The following RNF8 variants were observed in gnomAD, a reference collection of about 807,000 sequenced individuals.
RNF8 encodes E3 ubiquitin-protein ligase RNF8.
A neutral mutation model predicts 59.3 loss-of-function variants in RNF8; 8 were observed. That is an observed-to-expected ratio of 0.13 (90% CI 0.08 to 0.24). The LOEUF (loss-of-function observed/expected upper bound fraction) is 0.24, where lower values mean the gene tolerates loss of function less well. Among genes scored for constraint, RNF8 ranks in the 10% least tolerant of loss-of-function variants. The pLI, the probability that RNF8 is intolerant of heterozygous loss-of-function variation, is 1.00. For synonymous variants in RNF8, 162 were observed against 200.0 expected, an observed-to-expected ratio of 0.81 and a Z score of 1.60; for missense variants, 406 against 572.6, an observed-to-expected ratio of 0.71 and a Z score of 2.97.
chr6:37,381,477 T>C (rs1350577435), intron 7 of RNF8, 123 bp downstream of exon 7: 1 of 817,110 alleles, frequency 1.2e-6, no homozygotes, highest in Non-Finnish European at 1.9e-6. Flanking sequence ...AGAGATGGAA[T>C]AAATGGGGAG....
chr6:37,384,148 T>TTC (rs1179976525), intron 7 of RNF8, among the ~76,000 whole-genome samples: 1 of 151,456 alleles, frequency 6.6e-6, no homozygotes, highest in Non-Finnish European at 1.5e-5. Context: ...TTTTTTTTTT[T>TTC]TTGAGATGGT....
rs139799691 is a variant in RNF8 at position 37,391,634 on chromosome 6, C to T, written c.*876C>T. On this transcript the variant is annotated 3_prime_UTR_variant, in exon 8 of 8. Transcript: ENST00000373479. ...CATTAGAAGTTTTCTCTCTTTTCTC[C>T]ACCTCTCCTTTATTTTTAATTTTAA... 5.9e-5 allele frequency: 9 copies of T among 151,634 alleles called. No individual in the cohort carries two copies. The highest frequency in any genetic ancestry group is 2.2e-4 in the African/African-American group (9 of 41,348). 9.4% of individuals were successfully genotyped at this position (151,634 alleles called of 1,614,324 possible). A position where few individuals can be genotyped will look rare whatever the true frequency, so the allele number is the denominator to read the frequency against.
At chr6:37,359,790 G>A (rs1027619041) in intron 1 of RNF8, among the ~76,000 whole-genome samples, 9 of 152,192 alleles carry the variant, frequency 5.9e-5, no homozygotes, top group African/African-American at 1.4e-4. Flanking sequence ...TAACACTTGC[G>A]TTTGACTGTG....
chr6:37,377,160 C>T (rs1770057733), intron 6 of RNF8, 127 bp downstream of exon 6: 7 of 575,416 alleles, frequency 1.2e-5, no homozygotes, highest in Non-Finnish European at 2.1e-5. Context: ...GCAACCTCCA[C>T]TTCCTGGGCT....
chr6:37,373,182 C>T (rs1026641728), intron 4 of RNF8, among the ~76,000 whole-genome samples: 1 of 152,160 alleles, frequency 6.6e-6, no homozygotes, highest in Non-Finnish European at 1.5e-5. Flanking sequence ...GAAACTACCA[C>T]ATCTTTTTAA....
intron 2 of RNF8, chr6:37,361,111 A>G: frequency 5.5e-6 from 2 of 362,378 alleles, no homozygotes; most frequent in African/African-American, 2.1e-5. Flanking sequence ...TTTGAAAACC[A>G]CTAGTTTAGT....
intron 7 of RNF8, among the ~76,000 whole-genome samples, chr6:37,382,827 A>G (rs927398847): frequency 6.6e-6 from 1 of 152,032 alleles, no homozygotes; most frequent in Non-Finnish European, 1.5e-5. Flanking sequence ...AAAATACAAA[A>G]ATTAGCCGGG....
chr6:37,355,816 C>G (rs1562082167), intron 1 of RNF8, among the ~76,000 whole-genome samples: 3 of 152,168 alleles, frequency 2.0e-5, no homozygotes, highest in African/African-American at 7.2e-5. Flanking sequence ...TTTCCAACAG[C>G]ATATGTTTGT....
At chr6:37,385,067 G>A (rs1373594646) in intron 7 of RNF8, among the ~76,000 whole-genome samples, 1 of 151,646 alleles carries the variant, frequency 6.6e-6, no homozygotes, top group Non-Finnish European at 1.5e-5. Context: ...AGGCTGGAGT[G>A]CAATGGCGCG....
At chr6:37,372,563 G>T (rs1769854403) in intron 4 of RNF8, among the ~76,000 whole-genome samples, 1 of 152,184 alleles carries the variant, frequency 6.6e-6, no homozygotes, top group South Asian at 2.1e-4. Flanking sequence ...ATGTGGTTCT[G>T]CTAGTTGGAA....
chr6:37,382,728 C>T (rs1770325340), intron 7 of RNF8, among the ~76,000 whole-genome samples: 1 of 152,094 alleles, frequency 6.6e-6, no homozygotes, highest in Non-Finnish European at 1.5e-5. Flanking sequence ...GCCTGTAATC[C>T]CAGCACTTTG....
chr6:37,354,459 C>A (rs1247011158), intron 1 of RNF8, among the ~76,000 whole-genome samples, 184 bp downstream of exon 1: 2 of 145,090 alleles, frequency 1.4e-5, no homozygotes, highest in Non-Finnish European at 3.0e-5. Context: ...GCGGTTCTGG[C>A]GCGAGCGGCT....
At chr6:37,381,122 GAT>G in intron 6 of RNF8, 26 bp from the exon 7 acceptor site, 1 of 1,588,030 alleles carries the variant, frequency 6.3e-7, no homozygotes, top group Non-Finnish European at 8.6e-7. Flanking sequence ...TGAAAGTTCT[GAT>G]ATGTGTGTCC....
At position 37,360,849 on chromosome 6, in the gene RNF8, T is replaced by C. The variant is rs1769289171; in HGVS notation, c.240+275T>C. Among the ~76,000 whole-genome samples the C allele has an allele frequency of 1.3e-5, 2 of 152,116 alleles. No homozygotes were observed. Among genetic ancestry groups the C allele is most frequent in the Admixed American group, 6.5e-5 (1 of 15,270 alleles). On this transcript the variant is annotated intron_variant, in intron 2 of 7. Coordinates refer to ENST00000373479, the MANE Select transcript of RNF8 (RefSeq NM_003958.4). This position sits in a 1 kb window ranked among gnomAD's most constrained non-coding sequence, Gnocchi z 4.2. ...TATTCCAGAAACTAGACTAAGTTAC[T>C]GGGCAAATAAGCCTGTTTGAGGTGA... is the stretch of plus-strand genomic sequence containing the variant.
At chr6:37,381,789 A>G (rs1428761049) in intron 7 of RNF8, among the ~76,000 whole-genome samples, 1 of 152,192 alleles carries the variant, frequency 6.6e-6, no homozygotes, top group African/African-American at 2.4e-5. Flanking sequence ...ACTTGCAAGC[A>G]CCTGTGGTTT....
In RNF8 at chr6:37,368,763, T is replaced by C. The variant is rs762392319; in HGVS notation, c.520T>C (p.Ser174Pro). The change falls in exon 3 of 8, where the codon TCC (serine) becomes CCC (proline). Residue 174 changes from serine to proline, a missense_variant. Physicochemically the swap from Ser to Pro is moderately conservative, Grantham distance 74. Coordinates refer to ENST00000373479, the MANE Select transcript of RNF8 (RefSeq NM_003958.4). ...AGCTGAAGGCCCCTCAAATTTGAAA[T>C]CCAAAATAAATAAAGTGTCTTGTGA... ...PGAEGPSNLKSKINKVSCESG... is the reference protein window; with the variant it reads ...PGAEGPSNLKPKINKVSCESG... The C allele has an allele frequency of 1.1e-5, 17 of 1,613,978 alleles. No individual in the cohort carries two copies. Among genetic ancestry groups the C allele is most frequent in the African/African-American group, 1.3e-5 (1 of 74,900 alleles).
intron 7 of RNF8, among the ~76,000 whole-genome samples, chr6:37,387,163 ATATTCTGTCCAAC>A (rs1165476064): frequency 6.6e-6 from 1 of 152,164 alleles, no homozygotes; most frequent in African/African-American, 2.4e-5. Flanking sequence ...AGCTGGATAT[ATATTCTGTCCAAC>A]TGCCTACTGC....
Position 37,369,184 on chromosome 6 carries a change from A to G in RNF8, c.941A>G (p.Glu314Gly). ...CAGCAGGCAAGAGTGGAGCAACTAG[A>G]GAAGACTTTCCAGGAAGAGGAACAG... ...AQQQARVEQLEKTFQEEEQHL... is the reference protein window; with the variant it reads ...AQQQARVEQLGKTFQEEEQHL... Residue 314 changes from glutamate to glycine, a missense_variant, in exon 3 of 8, where the codon GAG becomes GGG. Transcript: ENST00000373479. 1.9e-6 allele frequency: 3 copies of G among 1,613,028 alleles called. No individual in the cohort carries two copies. Among genetic ancestry groups the G allele is most frequent in the Non-Finnish European group, 2.5e-6 (3 of 1,179,534 alleles).
chr6:37,387,327 A>G (rs1333503861), intron 7 of RNF8, among the ~76,000 whole-genome samples: 1 of 152,056 alleles, frequency 6.6e-6, no homozygotes, highest in Non-Finnish European at 1.5e-5. Context: ...ACCAACCCCA[A>G]AGAAATATCT....
Sources: gnomAD v4.1 joint callset for allele counts (sites outside exome capture counted in the v4.1 genomes callset) on GRCh38, gnomAD v4.1.1 for gene constraint, Gnocchi (gnomAD v3.1) non-coding constraint, MANE v1.5 for transcripts, NCBI Gene and HGNC (gene_info 2026-07-23, HGNC 2026-07-21) for gene names.